The following FAIM2 variants were observed in gnomAD, a reference collection of about 807,000 sequenced individuals.
The protein encoded by FAIM2 is protein lifeguard 2.
A neutral mutation model predicts 47.4 loss-of-function variants in FAIM2; 27 were observed. That is an observed-to-expected ratio of 0.57 (90% CI 0.42 to 0.78). FAIM2 has a LOEUF of 0.78. FAIM2 is among the 30% of genes least tolerant of loss of function. The pLI is 0.00. For synonymous variants in FAIM2, 156 were observed against 159.3 expected, an observed-to-expected ratio of 0.98 and a Z score of 0.16; for missense variants, 311 against 389.4, an observed-to-expected ratio of 0.80 and a Z score of 1.69.
chr12:49,897,404 G>T, intron 4 of FAIM2, 115 bp downstream of exon 4: 1 of 982,010 alleles, frequency 1.0e-6, no homozygotes, highest in Non-Finnish European at 1.6e-6. Context: ...GAGGCCCACT[G>T]CCCCACAGGC....
chr12:49,897,423 A>G (rs1946945579), intron 4 of FAIM2, 96 bp downstream of exon 4: 4 of 1,168,632 alleles, frequency 3.4e-6, no homozygotes, highest in Non-Finnish European at 5.1e-6. Context: ...GCATCTCTCC[A>G]GGCAGCATTC....
chr12:49,896,365 T>C (rs1332485387), intron 5 of FAIM2, among the ~76,000 whole-genome samples: 2 of 151,978 alleles, frequency 1.3e-5, no homozygotes, highest in South Asian at 2.1e-4. Flanking sequence ...TCAAAGAATA[T>C]AGGACAAGCA....
intron 11 of FAIM2, among the ~76,000 whole-genome samples, chr12:49,875,786 C>T (rs534081808): frequency 3.3e-5 from 5 of 152,082 alleles, no homozygotes; most frequent in Non-Finnish European, 7.4e-5. Flanking sequence ...ACCAGCCTGG[C>T]CAACACGATG....
rs1194638138 is a variant in FAIM2 at position 49,897,876 on chromosome 12, C to T, written c.315+111G>A. 6 of 831,370 alleles carry T rather than the reference C, an allele frequency of 7.2e-6. No homozygotes were observed. In the East Asian group the frequency reaches 7.7e-5, roughly 11 times the overall value. The allele number at this position is 831,370 out of a possible 1,614,324, so 51.5% of individuals were successfully genotyped here. Reference sequence around the variant, plus strand: ...TAGTGGGTGCTGTCAGCTGGGATCACAAGAGAAGGGGGCAGGGATGGCTTC... The same window carrying T: ...TAGTGGGTGCTGTCAGCTGGGATCATAAGAGAAGGGGGCAGGGATGGCTTC... On this transcript the variant is annotated intron_variant, in intron 3 of 11. Transcript: ENST00000320634.
intron 2 of FAIM2, among the ~76,000 whole-genome samples, chr12:49,900,816 T>A (rs1592796096): frequency 6.6e-6 from 1 of 152,056 alleles, no homozygotes; most frequent in Middle Eastern, 3.4e-3. Context: ...TTTCTAGGAG[T>A]TCTTTCTTAA....
At chr12:49,890,200 G>A in intron 7 of FAIM2, 46 bp from the exon 8 acceptor site, 3 of 1,600,758 alleles carry the variant, frequency 1.9e-6, no homozygotes, top group Non-Finnish European at 1.7e-6. Context: ...CTCAGACGCA[G>A]GGGCCCAGGC....
At chr12:49,902,791 C>G (rs1233640640) in intron 1 of FAIM2, 1 of 152,288 alleles carries the variant, frequency 6.6e-6, no homozygotes, top group Non-Finnish European at 1.5e-5. Context: ...CCAGAGCCTC[C>G]TGGACCCTAA....
chr12:49,887,425 A>G lies in FAIM2; in HGVS notation c.762T>C (p.His254=), dbSNP rs778042998. 6.2e-7 allele frequency: 1 copy of G among 1,611,806 alleles called. No homozygotes were observed. The highest frequency in any genetic ancestry group is 1.1e-5 in the South Asian group (1 of 90,498). Residue 254 remains histidine, a synonymous_variant, in exon 11 of 12, where the codon CAT becomes CAC. Coordinates refer to ENST00000320634, the MANE Select transcript of FAIM2 (RefSeq NM_012306.4). ...LLPFQYVPWL[H]AVYAALGAGV... is the part of the protein sequence containing the mutation. ...CCGCTCCCAGTGCTGCATAAACTGC[A>G]TGGAGCCAGGGCACCTGCGGCAGAG...
chr12:49,881,883 C>A (rs1010551543), intron 11 of FAIM2, among the ~76,000 whole-genome samples: 1 of 152,242 alleles, frequency 6.6e-6, no homozygotes, highest in Admixed American at 6.5e-5. Context: ...TGAGACGCCT[C>A]GCCTGCCACC....
chr12:49,874,291 T>G lies in FAIM2; in HGVS notation c.802-3638A>C, dbSNP rs1031423994. Among the ~76,000 whole-genome samples, 1 of 152,096 alleles carries G rather than the reference T, an allele frequency of 6.6e-6. No homozygotes were observed. The highest frequency in any genetic ancestry group is 1.5e-5 in the Non-Finnish European group (1 of 68,002). ...CCCCAGACCAACACTTGATCTCATC[T>G]CCCTCTCCCCATTTGCCCTGGGAGG... On this transcript the variant is annotated intron_variant, in intron 11 of 11. Transcript: ENST00000320634. This position sits in a 1 kb window ranked among gnomAD's most constrained non-coding sequence, Gnocchi z 4.2.
chr12:49,881,496 C>A (rs1033980299), intron 11 of FAIM2, among the ~76,000 whole-genome samples: 3 of 152,150 alleles, frequency 2.0e-5, no homozygotes, highest in Admixed American at 2.0e-4. Context: ...TGAGATGGGG[C>A]AACCTGCTCC....
chr12:49,888,440 C>A (rs745428556), intron 10 of FAIM2, among the ~76,000 whole-genome samples: 1 of 152,120 alleles, frequency 6.6e-6, no homozygotes, highest in African/African-American at 2.4e-5. Flanking sequence ...AAGCACTGGG[C>A]CCCCAGCAGC....
intron 11 of FAIM2, among the ~76,000 whole-genome samples, chr12:49,879,343 T>A (rs1946781244): frequency 6.6e-6 from 1 of 150,986 alleles, no homozygotes; most frequent in Non-Finnish European, 1.5e-5. Flanking sequence ...TGTGTTTATG[T>A]GTGCATGTGA....
chr12:49,891,235 G>T, intron 5 of FAIM2, 121 bp from the exon 6 acceptor site: 2 of 860,018 alleles, frequency 2.3e-6, no homozygotes, highest in East Asian at 5.1e-5. Context: ...GGACAGGATG[G>T]GGAGGCCACG....
rs143836655 is a variant in FAIM2, at chr12:49,883,104, C to A, written c.801+4282G>T. Among the ~76,000 whole-genome samples, 31 of 152,242 alleles carry A rather than the reference C, an allele frequency of 2.0e-4. No homozygotes were observed. The East Asian group carries it at 5.8e-3, about 28-fold the overall frequency. On this transcript the variant is annotated intron_variant, in intron 11 of 11. Coordinates refer to ENST00000320634, the MANE Select transcript of FAIM2 (RefSeq NM_012306.4). ...GTTTGGAGAAAGCCTGCCATGCTCA[C>A]ACAGCACGAGTCCAGTGTGGCTACA...
rs929255759 is a variant in FAIM2 at position 49,868,287 on chromosome 12, T to G, written c.*2217A>C. ...TGAGAAAGTCAGTGGAGAGAAATGT[T>G]CTGGTGCCTCTCCCGCCCTATCCTG... On this transcript the variant is annotated 3_prime_UTR_variant, in exon 12 of 12. Transcript: ENST00000320634. The G allele has an allele frequency of 2.6e-5, 4 of 152,206 alleles. No individual in the cohort carries two copies. The highest frequency in any genetic ancestry group is 7.2e-5 in the African/African-American group (3 of 41,398). The allele number at this position is 152,206 out of a possible 1,614,324, so 9.4% of individuals were successfully genotyped here.
intron 5 of FAIM2, among the ~76,000 whole-genome samples, chr12:49,895,061 G>A (rs1050375016): frequency 3.8e-5 from 2 of 53,332 alleles, no homozygotes; most frequent in Non-Finnish European, 6.3e-5. Context: ...GGTGTGGAGC[G>A]GGCAGGGCAG....
At chr12:49,900,727 C>G (rs1312909425) in intron 2 of FAIM2, among the ~76,000 whole-genome samples, 1 of 152,182 alleles carries the variant, frequency 6.6e-6, no homozygotes, top group African/African-American at 2.4e-5. Flanking sequence ...ACACTGCACC[C>G]CCACTCACAG....
chr12:49,901,589 G>A lies in FAIM2; in HGVS notation c.16-264C>T, dbSNP rs572876439. ...TTCTTAGGAGTGTCCACCATTGGTT[G>A]TCACTGTCATTGTCCCTGGGGTAGG... On this transcript the variant is annotated intron_variant, in intron 1 of 11. Transcript: ENST00000320634. The A allele has an allele frequency of 1.7e-5, 6 of 357,908 alleles. No individual in the cohort carries two copies. In the South Asian group the frequency reaches 6.0e-4, roughly 36 times the overall value. The allele number at this position is 357,908 out of a possible 1,614,324, so 22.2% of individuals were successfully genotyped here.
Sources: allele counts gnomAD v4.1 joint callset (sites outside exome capture counted in the v4.1 genomes callset), GRCh38; gene constraint gnomAD v4.1.1; non-coding constraint Gnocchi (gnomAD v3.1); transcripts MANE v1.5; gene names NCBI Gene and HGNC (gene_info 2026-07-23, HGNC 2026-07-21).